Variants in RECQL5 observed in about 807,000 individuals in gnomAD.
The protein encoded by RECQL5 is ATP-dependent DNA helicase Q5.
A neutral mutation model predicts 103.4 loss-of-function variants in RECQL5; 88 were observed. That is an observed-to-expected ratio of 0.85 (90% CI 0.72 to 1.02). The LOEUF is 1.02. RECQL5 is among the 50% of genes least tolerant of loss of function. RECQL5 has a pLI of 0.00. For missense variants in RECQL5, 1,232 were observed against 1,284.3 expected (o/e 0.96, Z 0.62); for synonymous variants, 552 against 507.9 (o/e 1.09, Z -1.17).
intron 8 of RECQL5, among the ~76,000 whole-genome samples, chr17:75,645,744 T>C (rs1194880485): frequency 6.6e-6 from 1 of 152,250 alleles, no homozygotes; most frequent in African/African-American, 2.4e-5. Context: ...GTTCTAAATC[T>C]GCCTCCATCT....
At chr17:75,664,867 C>T (rs542132717) in intron 3 of RECQL5, among the ~76,000 whole-genome samples, 184 bp downstream of exon 3, 1 of 147,298 alleles carries the variant, frequency 6.8e-6, no homozygotes, top group Non-Finnish European at 1.5e-5. Context: ...GAGCCAAGAT[C>T]GCACCACCGC....
chr17:75,630,631 C>A lies in RECQL5; in HGVS notation c.1706G>T (p.Arg569Leu). 6.2e-7 allele frequency: 1 copy of A among 1,613,694 alleles called. No individual in the cohort carries two copies. The highest frequency in any genetic ancestry group is 8.5e-7 in the Non-Finnish European group (1 of 1,179,838). ...TCGTGGAACTCACTCATCAGCGGTA[C>A]GTGTTGACTGGCGGTTGCTGCTCAG... Reference protein sequence around the residue: ...EALSSNRQSTRTADEADLRAK... With the variant: ...EALSSNRQSTLTADEADLRAK... Residue 569 changes from arginine (R) to leucine (L), a missense_variant, in exon 13 of 20, where the codon CGT (arginine) becomes CTT (leucine). Transcript: ENST00000317905.
At chr17:75,665,362 G>A (rs1338480655) in intron 2 of RECQL5, among the ~76,000 whole-genome samples, 190 bp from the exon 3 acceptor site, 1 of 152,170 alleles carries the variant, frequency 6.6e-6, no homozygotes, top group East Asian at 1.9e-4. Flanking sequence ...TTGGATACAT[G>A]CCCAAACCAT....
At chr17:75,643,546 A>T (rs1442004648) in intron 8 of RECQL5, among the ~76,000 whole-genome samples, 1 of 152,198 alleles carries the variant, frequency 6.6e-6, no homozygotes, top group Non-Finnish European at 1.5e-5. Flanking sequence ...TTAACAAACC[A>T]GACCTGCTCT....
In RECQL5 at chr17:75,630,142, G is replaced by A. The variant is rs1001707854; in HGVS notation, c.1812+42C>T. On this transcript the variant is annotated intron_variant, in intron 14 of 19. Transcript: ENST00000317905. Reference sequence around the variant, plus strand: ...ACAGCTTCTGCGTCAGAGTATGGAGGGGCCCCTGCAACGACCCTGGGTCCG... The same window carrying A: ...ACAGCTTCTGCGTCAGAGTATGGAGAGGCCCCTGCAACGACCCTGGGTCCG... 2.3e-5 allele frequency: 34 copies of A among 1,482,458 alleles called. No individual in the cohort carries two copies. The South Asian group carries it at 4.3e-4, about 19-fold the overall frequency. The allele number at this position is 1,482,458 out of a possible 1,614,324, so 91.8% of individuals were successfully genotyped here.
intron 18 of RECQL5, among the ~76,000 whole-genome samples, chr17:75,627,988 C>T (rs1312807268): frequency 6.6e-6 from 1 of 150,572 alleles, no homozygotes; most frequent in African/African-American, 2.5e-5. Flanking sequence ...CACTGCACTC[C>T]AGCCTGGGCG....
chr17:75,667,123 C>A lies in RECQL5; in HGVS notation c.-94G>T. ...TGTTCGAAGACCCCTATACACAACC[C>A]CAACTCAGAGAAGCCAAAGCGCTGG... On this transcript the variant is annotated 5_prime_UTR_variant, in exon 1 of 20. Transcript: ENST00000317905. 3.8e-6 allele frequency: 2 copies of A among 522,420 alleles called. No individual in the cohort carries two copies. The highest frequency in any genetic ancestry group is 6.9e-6 in the Non-Finnish European group (2 of 291,968). The allele number at this position is 522,420 out of a possible 1,614,324, so 32.4% of individuals were successfully genotyped here.
chr17:75,665,001 AC>A, intron 3 of RECQL5, 49 bp downstream of exon 3: 1 of 1,501,298 alleles, frequency 6.7e-7, no homozygotes, highest in Non-Finnish European at 8.8e-7. Context: ...GCCTCAAAAA[AC>A]CTTCCCCGAA....
At chr17:75,649,791 G>C in intron 8 of RECQL5, 1 of 985,492 alleles carries the variant, frequency 1.0e-6, no homozygotes, top group South Asian at 4.7e-5. Flanking sequence ...ACAGGCACGA[G>C]GCTGCTCAAG....
chr17:75,657,747 T>TAAC (rs1555713066), intron 7 of RECQL5, among the ~76,000 whole-genome samples: 2 of 112,222 alleles, frequency 1.8e-5, no homozygotes, highest in Non-Finnish European at 3.8e-5. Context: ...CCTTGTCTCT[T>TAAC]AAAAAAAAAA....
intron 1 of RECQL5, 74 bp from the exon 2 acceptor site, chr17:75,666,645 T>TA: frequency 1.4e-6 from 2 of 1,419,352 alleles, no homozygotes; most frequent in South Asian, 2.6e-5. Context: ...AAATACAGAT[T>TA]ATTTTTCTGT....
chr17:75,647,538 TCA>T, intron 8 of RECQL5: 1 of 1,550,266 alleles, frequency 6.5e-7, no homozygotes, highest in Non-Finnish European at 8.7e-7. Flanking sequence ...CAGAAAACAC[TCA>T]GTGTGAAGCG....
intron 8 of RECQL5, chr17:75,650,781 G>C: frequency 6.4e-7 from 1 of 1,571,828 alleles, no homozygotes. Context: ...GGTAAGTGGG[G>C]CCACAGGCTT....
Position 75,630,999 on chromosome 17 carries a change from G to A in RECQL5, c.1560C>T (p.Pro520=), listed in dbSNP as rs746800863. 1 of 1,613,816 alleles carries A rather than the reference G, an allele frequency of 6.2e-7. No homozygotes were observed. Residue 520 remains proline (P), a synonymous_variant, in exon 11 of 20, where the codon CCC becomes CCT. Transcript: ENST00000317905. ...KQMQLRKGKD[P]KIEEFVPPDE... ...CTGGGGGTACAAATTCTTCTATCTT[G>A]GGGTCTTTGCCCTGGAGGACAACAT...
chr17:75,640,833 G>A lies in RECQL5; in HGVS notation c.1230-9165C>T, dbSNP rs1407946839. The A allele has an allele frequency of 6.5e-7, 1 of 1,549,794 alleles. No homozygotes were observed. The highest frequency in any genetic ancestry group is 1.2e-5 in the South Asian group (1 of 84,066). ...CTGCTGATAGCCTGCAGCTGCTGCT[G>A]CACTCACTGCTGCTGCCCTGAGCGG... On this transcript the variant is annotated intron_variant, in intron 8 of 19. Transcript: ENST00000317905. The surrounding 1 kb of genome is among the most constrained non-coding windows in gnomAD (Gnocchi z 4.6).
chr17:75,650,631 T>G (rs779064048), intron 8 of RECQL5: 1 of 1,613,172 alleles, frequency 6.2e-7, no homozygotes, highest in South Asian at 1.1e-5. Flanking sequence ...GTGTCTCTCC[T>G]GCAGGCACTC....
intron 8 of RECQL5, chr17:75,650,163 C>T (rs1304745098): frequency 2.0e-6 from 2 of 986,772 alleles, no homozygotes; most frequent in South Asian, 9.4e-5. Context: ...ATTAATTGTG[C>T]TTGAAAAGGG....
Position 75,629,258 on chromosome 17 carries a change from T to G in RECQL5, c.2165A>C (p.His722Pro). 6.2e-7 allele frequency: 1 copy of G among 1,610,896 alleles called. No homozygotes were observed. The highest frequency in any genetic ancestry group is 8.5e-7 in the Non-Finnish European group (1 of 1,178,614). ...PRGEVPGGSA[H>P]YGGPSPEKKA... ...CTTCTCAGGGGAGGGCCCCCCATAG[T>G]GAGCGCTGCCTCCAGGGACCTCCCC... The change falls in exon 16 of 20, where the codon CAC (histidine) becomes CCC (proline). Residue 722 changes from histidine to proline, a missense_variant. Physicochemically the swap from His to Pro is moderately conservative, Grantham distance 77 (BLOSUM62 -2). Coordinates refer to ENST00000317905, the MANE Select transcript of RECQL5 (RefSeq NM_004259.7).
chr17:75,667,139 A>T lies in RECQL5; in HGVS notation c.-110T>A. ...TACACAACCCCAACTCAGAGAAGCC[A>T]AAGCGCTGGGAATTCAGCTTTAGGC... On this transcript the variant is annotated 5_prime_UTR_variant, in exon 1 of 20. Transcript: ENST00000317905. 1 of 552,086 alleles carries T rather than the reference A, an allele frequency of 1.8e-6. No individual in the cohort carries two copies. Among genetic ancestry groups the T allele is most frequent in the Non-Finnish European group, 3.2e-6 (1 of 310,246 alleles). 34.2% of individuals were successfully genotyped at this position (552,086 alleles called of 1,614,324 possible).
Sources: allele counts gnomAD v4.1 joint callset (sites outside exome capture counted in the v4.1 genomes callset), GRCh38; gene constraint gnomAD v4.1.1; non-coding constraint Gnocchi (gnomAD v3.1); transcripts MANE v1.5; gene names NCBI Gene and HGNC (gene_info 2026-07-23, HGNC 2026-07-21).